SLC9A9: variants seen among roughly 807,000 people sequenced by gnomAD.
SLC9A9 encodes sodium/hydrogen exchanger 9.
In SLC9A9, 62 loss-of-function variants were observed where a neutral mutation model predicts 77.8. That is an observed-to-expected ratio of 0.80 (90% CI 0.65 to 0.98). SLC9A9 has a LOEUF of 0.98. SLC9A9 is among the 50% of genes least tolerant of loss of function. SLC9A9 has a pLI of 0.00. For missense variants in SLC9A9, 775 were observed against 774.9 expected, an observed-to-expected ratio of 1.00 and a Z score of 0.00; for synonymous variants, 320 against 283.5, an observed-to-expected ratio of 1.13 and a Z score of -1.29.
chr3:143,627,454 G>A (rs1338609436), intron 6 of SLC9A9: 6 of 224,040 alleles, frequency 2.7e-5, no homozygotes, highest in Non-Finnish European at 5.7e-5. Context: ...TGTCAGCTCC[G>A]TTTGTGTCTT....
chr3:143,672,265 T>C (rs1025994459), intron 5 of SLC9A9, among the ~76,000 whole-genome samples: 7 of 152,048 alleles, frequency 4.6e-5, no homozygotes, highest in African/African-American at 7.2e-5. Flanking sequence ...ACACCAGTGA[T>C]GAGAAACCAC....
At chr3:143,815,493 G>A (rs1037978535) in intron 2 of SLC9A9, among the ~76,000 whole-genome samples, 1 of 151,822 alleles carries the variant, frequency 6.6e-6, no homozygotes, top group African/African-American at 2.4e-5. Context: ...TTGACACACT[G>A]TGAAGCCCCT....
chr3:143,763,525 T>G (rs919897786), intron 4 of SLC9A9, among the ~76,000 whole-genome samples: 16 of 152,258 alleles, frequency 1.1e-4, no homozygotes, highest in Non-Finnish European at 2.4e-4. Flanking sequence ...TAAAATACCA[T>G]CATGGATTTG....
At chr3:143,463,033 G>T (rs1431199241) in intron 12 of SLC9A9, among the ~76,000 whole-genome samples, 1 of 152,126 alleles carries the variant, frequency 6.6e-6, no homozygotes, top group Non-Finnish European at 1.5e-5. Context: ...TATATACTTT[G>T]CATTTTATTA....
intron 4 of SLC9A9, among the ~76,000 whole-genome samples, chr3:143,773,682 C>T (rs889585343): frequency 2.6e-5 from 4 of 152,110 alleles, no homozygotes. Flanking sequence ...CGGGGTTTCA[C>T]CATGCTGGTC....
At chr3:143,606,665 T>G (rs532043034) in intron 6 of SLC9A9, among the ~76,000 whole-genome samples, 1 of 151,330 alleles carries the variant, frequency 6.6e-6, no homozygotes, top group Admixed American at 6.6e-5. Flanking sequence ...AGAATTAAAA[T>G]CTAGAGTGTA....
intron 4 of SLC9A9, among the ~76,000 whole-genome samples, chr3:143,790,356 A>C (rs115290428): frequency 2.6e-5 from 4 of 152,260 alleles, no homozygotes; most frequent in African/African-American, 4.8e-5. Context: ...AACCACCTTC[A>C]GTAAGAAAAG....
chr3:143,395,751 A>T (rs1318945200), intron 12 of SLC9A9, among the ~76,000 whole-genome samples: 3 of 152,228 alleles, frequency 2.0e-5, no homozygotes, highest in Non-Finnish European at 4.4e-5. Context: ...CAAATTTACA[A>T]GAAAAAAACA....
intron 14 of SLC9A9, among the ~76,000 whole-genome samples, chr3:143,358,083 T>C (rs1388163727): frequency 1.3e-5 from 2 of 151,850 alleles, no homozygotes; most frequent in Admixed American, 1.3e-4. Context: ...ATTAAATACG[T>C]GGTTTCCAAG....
chr3:143,346,196 C>A (rs1255655749), intron 14 of SLC9A9, among the ~76,000 whole-genome samples: 1 of 152,008 alleles, frequency 6.6e-6, no homozygotes. Flanking sequence ...GCATAAAAAA[C>A]CTATGGAAAA....
chr3:143,515,659 A>G (rs1288495928), intron 9 of SLC9A9, among the ~76,000 whole-genome samples: 1 of 152,032 alleles, frequency 6.6e-6, no homozygotes, highest in Non-Finnish European at 1.5e-5. Flanking sequence ...CTACTGAGAG[A>G]TTATTTTCTC....
At chr3:143,392,658 A>G (rs2033601726) in intron 12 of SLC9A9, among the ~76,000 whole-genome samples, 1 of 152,246 alleles carries the variant, frequency 6.6e-6, no homozygotes, top group Non-Finnish European at 1.5e-5. Context: ...AGACTGGCAA[A>G]TTGGATAAAG....
At chr3:143,543,231 T>A (rs1387817918) in intron 9 of SLC9A9, among the ~76,000 whole-genome samples, 1 of 152,178 alleles carries the variant, frequency 6.6e-6, no homozygotes, top group Non-Finnish European at 1.5e-5. Flanking sequence ...CATCTGGACT[T>A]ACCTTTCCTT....
chr3:143,546,841 C>T (rs2036800027), intron 9 of SLC9A9, among the ~76,000 whole-genome samples: 1 of 152,198 alleles, frequency 6.6e-6, no homozygotes, highest in Non-Finnish European at 1.5e-5. Context: ...CCTACTTCTT[C>T]CTCCAGCGAT....
At chr3:143,750,491 C>T (rs2006666810) in intron 4 of SLC9A9, among the ~76,000 whole-genome samples, 1 of 152,124 alleles carries the variant, frequency 6.6e-6, no homozygotes, top group Non-Finnish European at 1.5e-5. Flanking sequence ...ATTGAACTTC[C>T]CATTACTGAT....
At chr3:143,721,019 G>A (rs1212224943) in intron 4 of SLC9A9, among the ~76,000 whole-genome samples, 1 of 152,180 alleles carries the variant, frequency 6.6e-6, no homozygotes, top group East Asian at 1.9e-4. Flanking sequence ...GACCAGCCTA[G>A]GCAACATAGT....
chr3:143,811,227 T>G (rs1484598191), intron 2 of SLC9A9, among the ~76,000 whole-genome samples: 1 of 152,120 alleles, frequency 6.6e-6, no homozygotes, highest in Non-Finnish European at 1.5e-5. Flanking sequence ...AATAGGAGAC[T>G]TCAAAGGAAA....
intron 4 of SLC9A9, among the ~76,000 whole-genome samples, chr3:143,733,113 G>C (rs924124164): frequency 6.6e-6 from 1 of 152,044 alleles, no homozygotes; most frequent in African/African-American, 2.4e-5. Context: ...AGGTCAGTTT[G>C]GGCTTCAAAA....
At chr3:143,324,135 A>G (rs900615645) in intron 14 of SLC9A9, among the ~76,000 whole-genome samples, 1 of 151,970 alleles carries the variant, frequency 6.6e-6, no homozygotes, top group Non-Finnish European at 1.5e-5. Flanking sequence ...ACTTGACCTA[A>G]AGTACCTGCT....
Sources: gnomAD v4.1 joint callset for allele counts (sites outside exome capture counted in the v4.1 genomes callset) on GRCh38, gnomAD v4.1.1 for gene constraint, MANE v1.5 for transcripts, NCBI Gene and HGNC (gene_info 2026-07-23, HGNC 2026-07-21) for gene names.